NTM: variants seen among roughly 807,000 people sequenced by gnomAD.
The protein encoded by NTM is neurotrimin, also known as IgLON family member 2.
In NTM, 13 loss-of-function variants were observed where a neutral mutation model predicts 42.1. The ratio of observed to expected loss-of-function variants is 0.31; its 90% CI spans 0.20 to 0.49. NTM has a LOEUF of 0.49. Among genes scored for constraint, NTM ranks in the 20% least tolerant of loss-of-function variants. The pLI is 0.99. For synonymous variants in NTM, 187 were observed against 179.2 expected (o/e 1.04, Z -0.35); for missense variants, 373 against 452.8 (o/e 0.82, Z 1.60).
chr11:131,400,308 C>T lies in NTM; in HGVS notation c.82+29420C>T, dbSNP rs189935180. On this transcript the variant is annotated intron_variant, in intron 1 of 8. Transcript: ENST00000683400. ...GTTCCCACTAGCTTTTGTGAGGGCT[C>T]TGCTGGGGCTTTTATCCCTTGTGCT... 2.6e-4 allele frequency among the ~76,000 whole-genome samples: 39 copies of T among 152,256 alleles called. 1 individual carries two copies. In the East Asian group the frequency reaches 7.4e-3, roughly 29 times the overall value.
chr11:132,022,654 C>T (rs193171566), intron 2 of NTM, among the ~76,000 whole-genome samples: 27 of 152,324 alleles, frequency 1.8e-4, no homozygotes, highest in African/African-American at 6.0e-4. Flanking sequence ...GTCCCTAATC[C>T]ATGCTTCTCT....
At chr11:131,974,900 A>G (rs749218586) in intron 2 of NTM, among the ~76,000 whole-genome samples, 1 of 152,190 alleles carries the variant, frequency 6.6e-6, no homozygotes, top group African/African-American at 2.4e-5. Context: ...TAAACTTTTG[A>G]AAAGGCTAAA....
chr11:131,779,652 C>T (rs144454749), intron 1 of NTM, among the ~76,000 whole-genome samples: 9 of 152,254 alleles, frequency 5.9e-5, no homozygotes, highest in African/African-American at 1.9e-4. Flanking sequence ...GGAAGTCAGT[C>T]AGTCTACCAG....
chr11:131,884,366 G>A (rs928857625), intron 1 of NTM, among the ~76,000 whole-genome samples: 8 of 151,996 alleles, frequency 5.3e-5, no homozygotes, highest in East Asian at 1.9e-4. Flanking sequence ...CAGAGATCGC[G>A]CTATTGCACT....
At chr11:131,553,527 C>T (rs2054988766) in intron 1 of NTM, among the ~76,000 whole-genome samples, 1 of 152,158 alleles carries the variant, frequency 6.6e-6, no homozygotes, top group Non-Finnish European at 1.5e-5. Context: ...TTTGTCTCTT[C>T]CTGCTCCCAG....
chr11:131,823,303 C>G (rs567346369), intron 1 of NTM, among the ~76,000 whole-genome samples: 35 of 152,326 alleles, frequency 2.3e-4, no homozygotes, highest in Middle Eastern at 3.4e-3. Flanking sequence ...CCTTCAGCCT[C>G]TCACAGCTTT....
At chr11:131,374,269 C>T (rs1174057646) in intron 1 of NTM, among the ~76,000 whole-genome samples, 7 of 152,336 alleles carry the variant, frequency 4.6e-5, no homozygotes, top group Non-Finnish European at 8.8e-5. Context: ...AGCTCACCTC[C>T]GCCCTTTGTA....
rs150294224 is a variant in NTM, at chr11:132,131,621, T to C, written c.168-14661T>C. Among the ~76,000 whole-genome samples the C allele has an allele frequency of 1.1e-3, 166 of 152,178 alleles. 1 individual carries two copies. The highest frequency in any genetic ancestry group is 3.9e-3 in the African/African-American group (162 of 41,518). On this transcript the variant is annotated intron_variant, in intron 2 of 8. Coordinates refer to ENST00000683400, the MANE Select transcript of NTM (RefSeq NM_001352005.2). ...AAATGGGTTGGGGCATGGGAGAGCATGCCACACTAAGGAAGCTGCAGGATC... is the reference window on the plus strand; with the variant it reads ...AAATGGGTTGGGGCATGGGAGAGCACGCCACACTAAGGAAGCTGCAGGATC...
At chr11:131,699,130 G>A (rs751574483) in intron 1 of NTM, among the ~76,000 whole-genome samples, 9 of 152,170 alleles carry the variant, frequency 5.9e-5, no homozygotes, top group Non-Finnish European at 1.2e-4. Flanking sequence ...AACTAAAGAA[G>A]TAATTAAACT....
intron 2 of NTM, among the ~76,000 whole-genome samples, chr11:132,044,897 C>T (rs2077765768): frequency 1.3e-5 from 2 of 151,892 alleles, no homozygotes; most frequent in East Asian, 1.9e-4. Flanking sequence ...AATAGCCTAC[C>T]GACCAAAAAA....
intron 1 of NTM, among the ~76,000 whole-genome samples, chr11:131,541,842 G>A (rs73574298): frequency 0.024 from 3,717 of 152,310 alleles, 161 homozygotes; most frequent in African/African-American, 0.082. Context: ...CTCAATTAGC[G>A]TCATTTCCTC....
intron 1 of NTM, among the ~76,000 whole-genome samples, chr11:131,561,909 T>C (rs1371608937): frequency 2.6e-5 from 4 of 152,224 alleles, no homozygotes; most frequent in Admixed American, 2.6e-4. Flanking sequence ...AGAAACAGAC[T>C]GGATTTATTT....
intron 4 of NTM, among the ~76,000 whole-genome samples, chr11:132,217,356 T>TGTG (rs1491403568): frequency 0.12 from 15,847 of 134,146 alleles, 871 homozygotes; most frequent in Middle Eastern, 0.17. Context: ...CTCTCTCTCT[T>TGTG]TCTGTGTGTG....
At chr11:131,428,904 A>AAAAAAAAAAAC in intron 1 of NTM, among the ~76,000 whole-genome samples, 1 of 134,916 alleles carries the variant, frequency 7.4e-6, no homozygotes, top group African/African-American at 2.7e-5. Context: ...AAAAAAAAAA[A>AAAAAAAAAAAC]ATTAGCCAGG....
chr11:131,559,393 T>C (rs553971037), intron 1 of NTM, among the ~76,000 whole-genome samples: 2 of 152,374 alleles, frequency 1.3e-5, no homozygotes, highest in Admixed American at 1.3e-4. Context: ...ACCAGCTGTC[T>C]TTTTACTTTT....
intron 4 of NTM, among the ~76,000 whole-genome samples, chr11:132,231,959 C>T (rs138565857): frequency 7.9e-5 from 12 of 152,290 alleles, no homozygotes; most frequent in Middle Eastern, 3.4e-3. Flanking sequence ...GGAGGAGACC[C>T]GTCTGCTGTC....
chr11:132,154,157 G>T (rs2072636297), intron 3 of NTM, among the ~76,000 whole-genome samples: 2 of 152,190 alleles, frequency 1.3e-5, no homozygotes, highest in South Asian at 4.1e-4. Context: ...CTGCATCTCA[G>T]TTTCAGGTGG....
chr11:131,439,951 T>TC (rs1949476869), intron 1 of NTM, among the ~76,000 whole-genome samples: 1 of 151,544 alleles, frequency 6.6e-6, no homozygotes, highest in Admixed American at 6.6e-5. Flanking sequence ...GGCTTTTTTT[T>TC]TTTTTTTTAA....
intron 4 of NTM, among the ~76,000 whole-genome samples, chr11:132,262,319 T>C (rs1057216070): frequency 2.0e-5 from 3 of 152,244 alleles, no homozygotes; most frequent in African/African-American, 7.2e-5. Context: ...GATTTCTGTG[T>C]ATTTTACCCA....
Sources: allele counts gnomAD v4.1 joint callset (sites outside exome capture counted in the v4.1 genomes callset), GRCh38; gene constraint gnomAD v4.1.1; transcripts MANE v1.5; gene names NCBI Gene and HGNC (gene_info 2026-07-23, HGNC 2026-07-21).